The following NAA60 variants were observed in gnomAD, a reference collection of about 807,000 sequenced individuals.
The protein encoded by NAA60 is N-alpha-acetyltransferase 60, NatF catalytic subunit, also known as N-alpha-acetyltransferase 60.
A neutral mutation model predicts 26.1 loss-of-function variants in NAA60; 8 were observed. The observed-to-expected ratio is 0.31, with a 90% confidence interval of 0.18 to 0.55. The LOEUF (loss-of-function observed/expected upper bound fraction) is 0.55, where lower values mean the gene tolerates loss of function less well. Ranked by LOEUF, NAA60 falls within the 20% of genes least tolerant of loss-of-function variation. The pLI is 0.93. For missense variants in NAA60, 290 were observed against 311.3 expected, an observed-to-expected ratio of 0.93 and a Z score of 0.51; for synonymous variants, 131 against 122.5, an observed-to-expected ratio of 1.07 and a Z score of -0.46.
chr16:3,477,281 A>G (rs2036542461), intron 3 of NAA60, among the ~76,000 whole-genome samples: 1 of 152,206 alleles, frequency 6.6e-6, no homozygotes, highest in African/African-American at 2.4e-5. Flanking sequence ...TCTTGCCTAC[A>G]ATATATGCAC....
At chr16:3,460,566 A>G (rs1026475005) in intron 2 of NAA60, among the ~76,000 whole-genome samples, 6 of 152,146 alleles carry the variant, frequency 3.9e-5, no homozygotes, top group Admixed American at 2.0e-4. Flanking sequence ...GGGTTTTGCC[A>G]TGTTGGCCAG....
intron 4 of NAA60, among the ~76,000 whole-genome samples, chr16:3,481,212 G>A (rs1254217096): frequency 6.6e-6 from 1 of 151,762 alleles, no homozygotes; most frequent in African/African-American, 2.4e-5. Flanking sequence ...TGCAACCTCC[G>A]CCTCTCAAGT....
intron 4 of NAA60, among the ~76,000 whole-genome samples, chr16:3,480,367 C>T (rs9926872): frequency 2.6e-5 from 4 of 152,008 alleles, no homozygotes; most frequent in African/African-American, 7.3e-5. Flanking sequence ...GAGGCCGAGG[C>T]GGGCAGATCA....
intron 3 of NAA60, among the ~76,000 whole-genome samples, chr16:3,477,850 A>T (rs1004818102): frequency 1.3e-5 from 2 of 151,508 alleles, no homozygotes. Flanking sequence ...TGGATCACGA[A>T]GTCAGGAGTT....
intron 2 of NAA60, among the ~76,000 whole-genome samples, chr16:3,474,650 G>A (rs1161708543): frequency 6.6e-6 from 1 of 152,238 alleles, no homozygotes; most frequent in Non-Finnish European, 1.5e-5. Context: ...GATAAAAGAC[G>A]AGGTCTTTCC....
intron 2 of NAA60, among the ~76,000 whole-genome samples, chr16:3,463,854 C>G (rs2150972508): frequency 6.6e-6 from 1 of 152,214 alleles, no homozygotes; most frequent in East Asian, 1.9e-4. Flanking sequence ...AGAAAGAAAT[C>G]TATGTGTGTG....
In NAA60 at chr16:3,450,275, G is replaced by T. The variant is rs922970605; in HGVS notation, c.-7+1735G>T. ...TCTCAGGCAGAGCAGAGGCTGGTCAGCAAGCCACAGGGCTTGCCATGAAGT... is the reference window on the plus strand; with the variant it reads ...TCTCAGGCAGAGCAGAGGCTGGTCATCAAGCCACAGGGCTTGCCATGAAGT... On this transcript the variant is annotated intron_variant, in intron 2 of 7. Coordinates refer to ENST00000407558, the MANE Select transcript of NAA60 (RefSeq NM_001083601.3). 6 of 293,360 alleles carry T rather than the reference G, an allele frequency of 2.0e-5. No individual in the cohort carries two copies. In the South Asian group the frequency reaches 9.8e-4, roughly 48 times the overall value. The allele number at this position is 293,360 out of a possible 1,614,324, so 18.2% of individuals were successfully genotyped here. A position where few individuals can be genotyped will look rare whatever the true frequency, so the allele number is the denominator to read the frequency against.
At chr16:3,466,261 G>T (rs1316138400) in intron 2 of NAA60, among the ~76,000 whole-genome samples, 1 of 152,234 alleles carries the variant, frequency 6.6e-6, no homozygotes, top group Non-Finnish European at 1.5e-5. Flanking sequence ...CGGCCACTCT[G>T]CGGGCTCCCC....
At position 3,486,018 on chromosome 16, in the gene NAA60, A is replaced by G. The variant is rs1180230533; in HGVS notation, c.*758A>G. The stretch of plus-strand genomic sequence containing the variant: ...TTCAGCTGACCTGCTGAGGACAGGC[A>G]TCGCCGAGACTCCTTGGGTCCTCCC... On this transcript the variant is annotated 3_prime_UTR_variant, in exon 8 of 8. Coordinates refer to ENST00000407558, the MANE Select transcript of NAA60 (RefSeq NM_001083601.3). 8.2e-6 allele frequency: 2 copies of G among 244,216 alleles called. No individual in the cohort carries two copies. The highest frequency in any genetic ancestry group is 1.7e-5 in the Non-Finnish European group (2 of 120,934). 15.1% of individuals were successfully genotyped at this position (244,216 alleles called of 1,614,324 possible). A position where few individuals can be genotyped will look rare whatever the true frequency, so the allele number is the denominator to read the frequency against.
At chr16:3,443,917 G>C in intron 1 of NAA60, 80 bp downstream of exon 1, 2 of 1,463,132 alleles carry the variant, frequency 1.4e-6, no homozygotes, top group Admixed American at 2.4e-5. Flanking sequence ...CGGGGGTTCG[G>C]GCCTAGCCTG....
intron 1 of NAA60, among the ~76,000 whole-genome samples, chr16:3,447,950 A>G (rs1258951786): frequency 6.6e-6 from 1 of 152,182 alleles, no homozygotes; most frequent in Non-Finnish European, 1.5e-5. Context: ...TTAACTCCCA[A>G]CAGAATTCTT....
At chr16:3,462,896 C>G (rs927514190) in intron 2 of NAA60, among the ~76,000 whole-genome samples, 4 of 152,020 alleles carry the variant, frequency 2.6e-5, no homozygotes, top group Non-Finnish European at 2.9e-5. Flanking sequence ...AGGAAAATGC[C>G]TTTTTTAAAT....
chr16:3,444,149 T>G (rs2034454024), intron 1 of NAA60, among the ~76,000 whole-genome samples: 1 of 152,132 alleles, frequency 6.6e-6, no homozygotes, highest in Non-Finnish European at 1.5e-5. Context: ...AGCCATAGGT[T>G]AGCGTCGCAG....
At chr16:3,457,891 G>A in intron 2 of NAA60, 1 of 812,756 alleles carries the variant, frequency 1.2e-6, no homozygotes. Context: ...CCTGGGCCTG[G>A]CTTCGCACGG....
At chr16:3,473,668 AG>A (rs2036290197) in intron 2 of NAA60, among the ~76,000 whole-genome samples, 1 of 151,268 alleles carries the variant, frequency 6.6e-6, no homozygotes, top group African/African-American at 2.4e-5. Context: ...CCAAAGTGCT[AG>A]GATTACAGGT....
chr16:3,447,765 C>A, intron 1 of NAA60: 2 of 365,286 alleles, frequency 5.5e-6, no homozygotes, highest in Non-Finnish European at 7.6e-6. Context: ...CCTGCAAGAA[C>A]AAGAGGCTCA....
chr16:3,448,141 A>G (rs929713108), intron 1 of NAA60, among the ~76,000 whole-genome samples: 8 of 151,968 alleles, frequency 5.3e-5, no homozygotes, highest in Non-Finnish European at 8.8e-5. Context: ...GGGCGTGGTC[A>G]CTCACACCTA....
intron 2 of NAA60, among the ~76,000 whole-genome samples, chr16:3,451,947 C>G (rs1040457756): frequency 6.6e-6 from 1 of 151,756 alleles, no homozygotes; most frequent in African/African-American, 2.4e-5. Flanking sequence ...GTGGCTCACA[C>G]CAGTAATCCC....
chr16:3,468,195 A>G (rs1408603133), intron 2 of NAA60: 4 of 152,214 alleles, frequency 2.6e-5, no homozygotes, highest in Non-Finnish European at 4.4e-5. Flanking sequence ...ATATAAATGA[A>G]GACTTGGCCG....
Sources: gnomAD v4.1 joint callset for allele counts (sites outside exome capture counted in the v4.1 genomes callset) on GRCh38, gnomAD v4.1.1 for gene constraint, MANE v1.5 for transcripts, NCBI Gene and HGNC (gene_info 2026-07-23, HGNC 2026-07-21) for gene names.